IQUB: variants seen among roughly 807,000 people sequenced by gnomAD.
The protein encoded by IQUB is IQ motif and ubiquitin domain containing, also known as IQ motif and ubiquitin-like domain-containing protein.
A neutral mutation model predicts 86.4 loss-of-function variants in IQUB; 86 were observed. The observed-to-expected ratio is 1.00, with a 90% CI of 0.84 to 1.19. The LOEUF (loss-of-function observed/expected upper bound fraction) is 1.19, where lower values mean the gene tolerates loss of function less well. Ranked by LOEUF, IQUB falls within the 50% of genes most tolerant of loss-of-function variation. The pLI, the probability that IQUB is intolerant of heterozygous loss-of-function variation, is 0.00. For synonymous variants in IQUB, 289 were observed against 304.5 expected, an observed-to-expected ratio of 0.95 and a Z score of 0.53; for missense variants, 946 against 916.9, an observed-to-expected ratio of 1.03 and a Z score of -0.41.
intron 9 of IQUB, 66 bp downstream of exon 9, chr7:123,469,148 G>A (rs1305564822): frequency 9.1e-7 from 1 of 1,098,172 alleles, no homozygotes; most frequent in African/African-American, 1.6e-5. Flanking sequence ...ACTTGTTTTA[G>A]TATTTCATTA....
intron 6 of IQUB, among the ~76,000 whole-genome samples, chr7:123,500,089 C>T (rs1436352913): frequency 6.6e-6 from 1 of 152,116 alleles, no homozygotes; most frequent in East Asian, 1.9e-4. Flanking sequence ...ATGAATAATC[C>T]ACCCCTTGTT....
intron 11 of IQUB, among the ~76,000 whole-genome samples, chr7:123,459,321 G>GTGTT (rs1041743655): frequency 6.6e-6 from 1 of 151,990 alleles, no homozygotes; most frequent in African/African-American, 2.4e-5. Context: ...CGGTATTCTG[G>GTGTT]TGTTTATGTG....
chr7:123,458,668 A>T (rs938000404), intron 11 of IQUB, among the ~76,000 whole-genome samples: 16 of 152,116 alleles, frequency 1.1e-4, no homozygotes, highest in East Asian at 1.9e-4. Flanking sequence ...AATAATTTTG[A>T]AATTGTATCA....
At position 123,521,651 on chromosome 7, in the gene IQUB, A is replaced by AACACACACACACAC. The variant is rs150359350; in HGVS notation, c.-4-9321_-4-9308dup. On this transcript the variant is annotated intron_variant, in intron 1 of 12. Coordinates refer to ENST00000324698, the MANE Select transcript of IQUB (RefSeq NM_178827.5). ...GATGGAGTGAGACCCTGTCTAAATA[A>AACACACACACACAC]ACACACACACACACACACACACACA... Among the ~76,000 whole-genome samples the AACACACACACACAC allele has an allele frequency of 3.9e-3, 564 of 144,402 alleles. 4 individuals are homozygous for AACACACACACACAC. The highest frequency in any genetic ancestry group is 0.011 in the African/African-American group (432 of 38,678). The allele number at this position is 144,402 out of a possible 152,430, so 94.7% of individuals were successfully genotyped here. A position where few individuals can be genotyped will look rare whatever the true frequency, so the allele number is the denominator to read the frequency against.
chr7:123,514,081 C>T (rs1022894224), intron 1 of IQUB, among the ~76,000 whole-genome samples: 1 of 152,164 alleles, frequency 6.6e-6, no homozygotes, highest in Non-Finnish European at 1.5e-5. Flanking sequence ...TAGTCATATA[C>T]ATTGTAATGA....
intron 1 of IQUB, among the ~76,000 whole-genome samples, chr7:123,514,366 G>T (rs1240900535): frequency 6.6e-6 from 1 of 152,038 alleles, no homozygotes; most frequent in Non-Finnish European, 1.5e-5. Context: ...CAAGATATTT[G>T]CTCTAAAGGA....
chr7:123,515,244 C>A (rs1796591474), intron 1 of IQUB, among the ~76,000 whole-genome samples: 2 of 152,000 alleles, frequency 1.3e-5, no homozygotes, highest in African/African-American at 4.8e-5. Context: ...TAGCCAACAC[C>A]CCAAACTAGC....
intron 8 of IQUB, among the ~76,000 whole-genome samples, chr7:123,477,191 C>T (rs1003907821): frequency 1.3e-5 from 2 of 152,158 alleles, no homozygotes; most frequent in African/African-American, 4.8e-5. Flanking sequence ...TCAAACTATA[C>T]TACAAGGCTA....
chr7:123,520,456 C>T (rs944938952), intron 1 of IQUB, among the ~76,000 whole-genome samples: 2 of 152,092 alleles, frequency 1.3e-5, no homozygotes, highest in African/African-American at 4.8e-5. Flanking sequence ...AGCAGAGTGG[C>T]AAGTTTTGCT....
At chr7:123,463,678 C>CTGA (rs112834812) in intron 10 of IQUB, among the ~76,000 whole-genome samples, 1 of 151,804 alleles carries the variant, frequency 6.6e-6, no homozygotes, top group African/African-American at 2.4e-5. Context: ...ATTCTGGGGG[C>CTGA]TGATAGGACC....
intron 7 of IQUB, among the ~76,000 whole-genome samples, chr7:123,493,063 GC>G (rs1795542322): frequency 6.6e-6 from 1 of 152,118 alleles, no homozygotes; most frequent in South Asian, 2.1e-4. Flanking sequence ...TAATGCGGCA[GC>G]ACTCTCCAAT....
chr7:123,469,913 G>A (rs1402177993), intron 8 of IQUB, among the ~76,000 whole-genome samples: 1 of 152,208 alleles, frequency 6.6e-6, no homozygotes, highest in African/African-American at 2.4e-5. Context: ...TGTCCATAGT[G>A]AAAGAGCTAT....
intron 9 of IQUB, among the ~76,000 whole-genome samples, chr7:123,466,041 A>G (rs987751612): frequency 1.3e-5 from 2 of 152,064 alleles, no homozygotes; most frequent in African/African-American, 2.4e-5. Flanking sequence ...TTTGTAAGGC[A>G]CTATATTAAG....
chr7:123,461,065 G>A (rs747863338), intron 11 of IQUB, among the ~76,000 whole-genome samples: 12 of 149,100 alleles, frequency 8.0e-5, no homozygotes, highest in Non-Finnish European at 1.5e-4. Flanking sequence ...AATTATTACT[G>A]TTATTCGTAA....
At chr7:123,510,252 C>A (rs943280523) in intron 2 of IQUB, among the ~76,000 whole-genome samples, 2 of 151,956 alleles carry the variant, frequency 1.3e-5, no homozygotes, top group African/African-American at 4.8e-5. Context: ...GAAAATCAAC[C>A]CATAATCTCA....
chr7:123,502,276 G>GA (rs889916895), intron 6 of IQUB: 1 of 263,710 alleles, frequency 3.8e-6, no homozygotes, highest in Non-Finnish European at 7.0e-6. Context: ...AATTAGTCTC[G>GA]AAAGTTCCCT....
chr7:123,491,738 G>A (rs1795475407), intron 7 of IQUB, among the ~76,000 whole-genome samples: 1 of 152,112 alleles, frequency 6.6e-6, no homozygotes, highest in Non-Finnish European at 1.5e-5. Context: ...TGTCACTGTT[G>A]AATTCCTAAC....
chr7:123,529,663 G>A (rs1018659154), intron 1 of IQUB, among the ~76,000 whole-genome samples: 27 of 138,550 alleles, frequency 1.9e-4, no homozygotes, highest in Non-Finnish European at 3.5e-4. Flanking sequence ...AAAGTGGGCG[G>A]ATCTTGAGGT....
Position 123,502,615 on chromosome 7 carries a change from A to C in IQUB, c.1005T>G (p.His335Gln), listed in dbSNP as rs763001048. The change falls in exon 6 of 13, where the codon CAT becomes CAG. Residue 335 changes from histidine to glutamine, a missense_variant. His to Gln is a conservative substitution (Grantham distance 24). Transcript: ENST00000324698. ...ATCTCACCGCCTTTAGTCTTTGAGC[A>C]TGGTATTCTGCTGCTGAAAAATACT... is the stretch of plus-strand genomic sequence containing the variant. ...PGKYFSAAEY[H>Q]AQRLKAVIVI... The C allele has an allele frequency of 3.1e-6, 5 of 1,611,624 alleles. No individual in the cohort carries two copies. The African/African-American group carries it at 4.0e-5, about 13-fold the overall frequency.
Sources: gnomAD v4.1 joint callset for allele counts (sites outside exome capture counted in the v4.1 genomes callset) on GRCh38, gnomAD v4.1.1 for gene constraint, MANE v1.5 for transcripts, NCBI Gene and HGNC (gene_info 2026-07-23, HGNC 2026-07-21) for gene names.